CDH13: variants seen among roughly 807,000 people sequenced by gnomAD.
CDH13 encodes the protein cadherin 13, also known as cadherin-13.
CDH13 carries 24 observed loss-of-function variants against 63.8 expected under a neutral mutation model. That is an observed-to-expected ratio of 0.38 (90% confidence interval 0.27 to 0.53). CDH13 has a LOEUF of 0.53. Among genes scored for constraint, CDH13 ranks in the 20% least tolerant of loss-of-function variants. The probability of loss-of-function intolerance (pLI) is 0.85; values close to 1 mark genes in which losing one functional copy is unlikely to be tolerated. For missense variants in CDH13, 1,049 were observed against 903.1 expected (o/e 1.16, Z -2.07); for synonymous variants, 503 against 355.3 (o/e 1.42, Z -4.67).
At chr16:83,475,366 C>A (rs1228274443) in intron 6 of CDH13, among the ~76,000 whole-genome samples, 2 of 152,192 alleles carry the variant, frequency 1.3e-5, no homozygotes, top group African/African-American at 2.4e-5. Flanking sequence ...CTGCAGCAGT[C>A]AGGAAGCTGC....
intron 2 of CDH13, among the ~76,000 whole-genome samples, chr16:82,916,629 A>G (rs947331721): frequency 4.6e-5 from 7 of 152,172 alleles, no homozygotes; most frequent in South Asian, 2.1e-4. Flanking sequence ...GATAAATGCC[A>G]TGATAGATAC....
At chr16:82,808,444 C>A (rs2037267912) in intron 1 of CDH13, among the ~76,000 whole-genome samples, 1 of 152,052 alleles carries the variant, frequency 6.6e-6, no homozygotes. Flanking sequence ...GCTTTCAGAG[C>A]TGAATCCTTA....
At chr16:83,444,026 G>C (rs763024980) in intron 6 of CDH13, among the ~76,000 whole-genome samples, 1 of 150,842 alleles carries the variant, frequency 6.6e-6, no homozygotes, top group Non-Finnish European at 1.5e-5. Flanking sequence ...AGGTGATGGC[G>C]ATGATCATGG....
intron 2 of CDH13, among the ~76,000 whole-genome samples, chr16:82,960,185 G>A (rs1019159137): frequency 6.6e-6 from 1 of 152,108 alleles, no homozygotes; most frequent in Non-Finnish European, 1.5e-5. Flanking sequence ...GAGAGAGAGA[G>A]TCAAAGCATG....
intron 1 of CDH13, among the ~76,000 whole-genome samples, chr16:82,715,098 A>T (rs2032267383): frequency 6.7e-6 from 1 of 149,444 alleles, no homozygotes; most frequent in East Asian, 2.0e-4. Context: ...CTTAGACAGG[A>T]CCCTAGCTAA....
At chr16:83,529,021 T>C (rs1041459419) in intron 7 of CDH13, among the ~76,000 whole-genome samples, 8 of 152,068 alleles carry the variant, frequency 5.3e-5, no homozygotes, top group Non-Finnish European at 1.2e-4. Flanking sequence ...TTAGGGAGTA[T>C]GAAAATCTCA....
At chr16:82,728,825 ACTT>A (rs1176268490) in intron 1 of CDH13, among the ~76,000 whole-genome samples, 1 of 152,182 alleles carries the variant, frequency 6.6e-6, no homozygotes, top group Admixed American at 6.5e-5. Context: ...CCACAGTAGA[ACTT>A]CTTTCAAAAT....
At chr16:82,690,649 G>T (rs1485230873) in intron 1 of CDH13, among the ~76,000 whole-genome samples, 2 of 152,164 alleles carry the variant, frequency 1.3e-5, no homozygotes, top group East Asian at 3.9e-4. Flanking sequence ...GGTGACCATT[G>T]TACCCACAGT....
At chr16:83,651,276 G>C (rs888833031) in intron 8 of CDH13, among the ~76,000 whole-genome samples, 2 of 152,138 alleles carry the variant, frequency 1.3e-5, no homozygotes, top group African/African-American at 2.4e-5. Context: ...CTTTGCTCAT[G>C]AAATTCCTTA....
chr16:82,736,630 T>C (rs2033688133), intron 1 of CDH13, among the ~76,000 whole-genome samples: 1 of 152,236 alleles, frequency 6.6e-6, no homozygotes, highest in South Asian at 2.1e-4. Context: ...CTCTCTCCGC[T>C]AGCTTAAATC....
chr16:83,726,623 G>C (rs944868777), intron 10 of CDH13, among the ~76,000 whole-genome samples: 5 of 152,132 alleles, frequency 3.3e-5, no homozygotes, highest in Admixed American at 6.5e-5. Context: ...ATCACGAGGT[G>C]AGGAGATCAA....
intron 2 of CDH13, among the ~76,000 whole-genome samples, chr16:82,999,210 T>C (rs1032244313): frequency 2.0e-5 from 3 of 152,200 alleles, no homozygotes; most frequent in African/African-American, 7.2e-5. Flanking sequence ...AACTTCCTTA[T>C]TGTAGATACT....
At chr16:83,678,879 C>T (rs148566666) in intron 10 of CDH13, among the ~76,000 whole-genome samples, 1 of 152,288 alleles carries the variant, frequency 6.6e-6, no homozygotes, top group African/African-American at 2.4e-5. Flanking sequence ...ATTGTGGATT[C>T]GCAGATTCGT....
chr16:83,587,958 T>C (rs1906332600), intron 7 of CDH13, among the ~76,000 whole-genome samples: 1 of 152,012 alleles, frequency 6.6e-6, no homozygotes, highest in African/African-American at 2.4e-5. Context: ...TTTTTTTTTT[T>C]TTGAAAGATC....
At chr16:82,804,193 A>G (rs1376945433) in intron 1 of CDH13, among the ~76,000 whole-genome samples, 1 of 151,632 alleles carries the variant, frequency 6.6e-6, no homozygotes. Context: ...ACGCTACTGC[A>G]CTCCAGCCTG....
chr16:83,698,549 T>C (rs921733067), intron 10 of CDH13, among the ~76,000 whole-genome samples: 2 of 152,196 alleles, frequency 1.3e-5, no homozygotes, highest in Admixed American at 1.3e-4. Context: ...TGTTTTGTGC[T>C]TCCTCCTGGG....
intron 1 of CDH13, among the ~76,000 whole-genome samples, chr16:82,743,222 G>C (rs980891808): frequency 6.6e-6 from 1 of 152,132 alleles, no homozygotes; most frequent in African/African-American, 2.4e-5. Context: ...TTGTAGACCA[G>C]TGCTAATATG....
At chr16:83,173,973 G>C (rs887600605) in intron 4 of CDH13, among the ~76,000 whole-genome samples, 4 of 152,060 alleles carry the variant, frequency 2.6e-5, no homozygotes, top group Non-Finnish European at 5.9e-5. Flanking sequence ...TATCACACCA[G>C]CATGTAGAGA....
intron 7 of CDH13, among the ~76,000 whole-genome samples, chr16:83,578,944 G>A (rs1598321255): frequency 6.6e-6 from 1 of 152,226 alleles, no homozygotes; most frequent in South Asian, 2.1e-4. Context: ...GTAGTTAGTA[G>A]CGGAGTCAAT....
Sources: gnomAD v4.1 joint callset for allele counts (sites outside exome capture counted in the v4.1 genomes callset) on GRCh38, gnomAD v4.1.1 for gene constraint, MANE v1.5 for transcripts, NCBI Gene and HGNC (gene_info 2026-07-23, HGNC 2026-07-21) for gene names.